The following IKBKB variants were observed in gnomAD, a reference collection of about 807,000 sequenced individuals.
The protein encoded by IKBKB is inhibitor of nuclear factor kappa-B kinase subunit beta.
A neutral mutation model predicts 113.6 loss-of-function variants in IKBKB; 42 were observed. The ratio of observed to expected loss-of-function variants is 0.37; its 90% CI spans 0.29 to 0.48. The LOEUF (loss-of-function observed/expected upper bound fraction) is 0.48, where lower values mean the gene tolerates loss of function less well. Among genes scored for constraint, IKBKB ranks in the 20% least tolerant of loss-of-function variants. The pLI is 0.99. For missense variants in IKBKB, 673 were observed against 939.7 expected (o/e 0.72, Z 3.71); for synonymous variants, 296 against 361.3 (o/e 0.82, Z 2.05).
chr8:42,307,224 C>T (rs756231885), intron 7 of IKBKB, among the ~76,000 whole-genome samples: 2 of 152,014 alleles, frequency 1.3e-5, no homozygotes, highest in East Asian at 1.9e-4. Context: ...GGGGGAATTC[C>T]GTGCAAAGGG....
At chr8:42,326,989 C>G (rs946577392) in intron 20 of IKBKB, among the ~76,000 whole-genome samples, 2 of 152,150 alleles carry the variant, frequency 1.3e-5, no homozygotes, top group African/African-American at 2.4e-5. Flanking sequence ...ACTGATAATT[C>G]AAGGTTTCTT....
chr8:42,325,724 A>G (rs1397031521), intron 19 of IKBKB: 1 of 1,283,724 alleles, frequency 7.8e-7, no homozygotes, highest in African/African-American at 1.5e-5. Flanking sequence ...CTGCAAATTA[A>G]TGTAGGCACC....
chr8:42,289,163 C>T (rs556969301), intron 3 of IKBKB, among the ~76,000 whole-genome samples: 4 of 152,008 alleles, frequency 2.6e-5, no homozygotes, highest in Admixed American at 6.6e-5. Flanking sequence ...TGCAGTGAGC[C>T]GAGATCAAGC....
chr8:42,307,818 AG>A (rs1816843492), intron 7 of IKBKB, among the ~76,000 whole-genome samples: 1 of 152,198 alleles, frequency 6.6e-6, no homozygotes, highest in South Asian at 2.1e-4. Context: ...CCAGACATAG[AG>A]GTTGACCTAC....
chr8:42,319,621 A>T lies in IKBKB; in HGVS notation c.1553A>T (p.Glu518Val). 1.3e-6 allele frequency: 2 copies of T among 1,595,964 alleles called. No individual in the cohort carries two copies. Reference sequence around the variant, plus strand: ...CTGCTGCTGGCCTGGAGGGAAATGGAGCAGGCTGTGGAGCTCTGTGGGCGG... The same window carrying T: ...CTGCTGCTGGCCTGGAGGGAAATGGTGCAGGCTGTGGAGCTCTGTGGGCGG... ...DKLLLAWREMEQAVELCGREN... is the reference protein window; with the variant it reads ...DKLLLAWREMVQAVELCGREN... The change falls in exon 15 of 22, where the codon GAG becomes GTG. Residue 518 changes from glutamate to valine, a missense_variant. This residue lies in a region of IKBKB where 506 missense variants were observed against 638.7 expected (regional missense o/e 0.79). Coordinates refer to ENST00000520810, the MANE Select transcript of IKBKB (RefSeq NM_001556.3).
chr8:42,321,818 C>A, intron 16 of IKBKB, 78 bp from the exon 17 acceptor site: 1 of 1,045,866 alleles, frequency 9.6e-7, no homozygotes. Flanking sequence ...CATGGTGAAA[C>A]TCTACCTCTA....
In IKBKB at chr8:42,329,151, C is replaced by A; in HGVS notation, c.2142C>A (p.Asn714Lys). 3 of 1,605,170 alleles carry A rather than the reference C, an allele frequency of 1.9e-6. No individual in the cohort carries two copies. The highest frequency in any genetic ancestry group is 1.7e-6 in the Non-Finnish European group (2 of 1,177,150). ...AAGAACTGGTGGCTGAAGCACATAA[C>A]CTCTGCACCCTGCTAGAAAATGCCA... ...KSEELVAEAH[N>K]LCTLLENAIQ... The change falls in exon 21 of 22, where the codon AAC (asparagine) becomes AAA (lysine). Residue 714 changes from asparagine (N) to lysine (K), a missense_variant. By Grantham distance (94) the Asn-to-Lys change is moderately conservative (BLOSUM62 0). Around this residue, in one of 2 missense-constraint regions of IKBKB, gnomAD observed 506 missense variants for 638.7 expected, o/e 0.79. Transcript: ENST00000520810.
At chr8:42,281,516 G>A (rs937406956) in intron 2 of IKBKB, among the ~76,000 whole-genome samples, 16 of 152,180 alleles carry the variant, frequency 1.1e-4, no homozygotes, top group Non-Finnish European at 1.8e-4. Context: ...TGGGTGAGGC[G>A]GCAGGCCACT....
chr8:42,272,547 T>A (rs1260885887), intron 2 of IKBKB: 1 of 389,164 alleles, frequency 2.6e-6, no homozygotes, highest in Non-Finnish European at 4.5e-6. Context: ...AGGATGAGAC[T>A]AAATAAATAA....
rs1310167432 is a variant in IKBKB, at chr8:42,326,095, G to T, written c.2112G>T (p.Lys704Asn). The change falls in exon 20 of 22, where the codon AAG (lysine) becomes AAT (asparagine). Residue 704 changes from lysine to asparagine, a missense_variant and splice_region_variant. This residue lies in a region of IKBKB where 506 missense variants were observed against 638.7 expected (regional missense o/e 0.79). Transcript: ENST00000520810. ...ASNSLPEPAKKSEELVAEAHN... is the reference protein window; with the variant it reads ...ASNSLPEPAKNSEELVAEAHN... ...ACAGCTTACCTGAGCCAGCCAAGAA[G>T]AGGTAGGTCCTCCTTAGCAGTGCCA... The T allele has an allele frequency of 6.2e-7, 1 of 1,614,216 alleles. No homozygotes were observed. Among genetic ancestry groups the T allele is most frequent in the Non-Finnish European group, 8.5e-7 (1 of 1,180,040 alleles).
intron 2 of IKBKB, among the ~76,000 whole-genome samples, chr8:42,277,791 G>T (rs931268908): frequency 6.6e-6 from 1 of 152,174 alleles, no homozygotes; most frequent in African/African-American, 2.4e-5. Context: ...GTCTTGTCAG[G>T]ACCCTGCATT....
rs1045867160 is a variant in IKBKB at position 42,321,691 on chromosome 8, T to TA, written c.1689-195dup. 1,422 of 478,996 alleles carry TA rather than the reference T, an allele frequency of 3.0e-3. 2 individuals carry two copies. Among genetic ancestry groups the TA allele is most frequent in the East Asian group, 0.015 (428 of 28,810 alleles). 29.7% of individuals were successfully genotyped at this position (478,996 alleles called of 1,614,324 possible). The stretch of plus-strand genomic sequence containing the variant: ...CGCATGCCACCATGCTCAGCTAATT[T>TA]AAAAAAAAAATGTTTTTGGCTGGGC... On this transcript the variant is annotated intron_variant, in intron 16 of 21. Transcript: ENST00000520810.
At chr8:42,312,743 A>G (rs929649321) in intron 8 of IKBKB, among the ~76,000 whole-genome samples, 2 of 152,248 alleles carry the variant, frequency 1.3e-5, no homozygotes, top group African/African-American at 4.8e-5. Flanking sequence ...AGCCCAAGCT[A>G]TAAAGCACCA....
intron 5 of IKBKB, among the ~76,000 whole-genome samples, chr8:42,303,858 A>G (rs1415955338): frequency 1.3e-5 from 2 of 152,086 alleles, no homozygotes; most frequent in Non-Finnish European, 2.9e-5. Flanking sequence ...CTTTTTATCT[A>G]TTAGGTATCT....
At chr8:42,298,022 C>T (rs1459693770) in intron 5 of IKBKB, 1 of 882,444 alleles carries the variant, frequency 1.1e-6, no homozygotes, top group South Asian at 5.2e-5. Context: ...CCATGTGGAG[C>T]AGCTGGAAAT....
At position 42,314,428 on chromosome 8, in the gene IKBKB, A is replaced by G. The variant is rs1164309996; in HGVS notation, c.799A>G (p.Ser267Gly). Residue 267 changes from serine to glycine, a missense_variant and splice_region_variant, in exon 9 of 22, where the codon AGT becomes GGT. This residue lies in a region of IKBKB where 506 missense variants were observed against 638.7 expected (regional missense o/e 0.79). Transcript: ENST00000520810. Reference sequence around the variant, plus strand: ...TTTACCCTACCCCAATAATCTTAACAGGTAAGGCACAGCGGCATTACACGA... The same window carrying G: ...TTTACCCTACCCCAATAATCTTAACGGGTAAGGCACAGCGGCATTACACGA... The part of the protein sequence containing the change: ...SSLPYPNNLN[S>G]VLAERLEKWL... 6.4e-7 allele frequency: 1 copy of G among 1,570,940 alleles called. No homozygotes were observed.
At position 42,316,303 on chromosome 8, in the gene IKBKB, C is replaced by G; in HGVS notation, c.894C>G (p.Gly298=). 2 of 1,614,156 alleles carry G rather than the reference C, an allele frequency of 1.2e-6. No homozygotes were observed. Among genetic ancestry groups the G allele is most frequent in the Non-Finnish European group, 1.7e-6 (2 of 1,180,026 alleles). The change falls in exon 10 of 22, where the codon GGC becomes GGG. Residue 298 remains glycine (G), a synonymous_variant. Transcript: ENST00000520810. The surrounding 1 kb of genome is among the most constrained non-coding windows in gnomAD (Gnocchi z 4.5). ...CGGATCCCACGTATGGGCCCAATGG[C>G]TGCTTCAAGGCCCTGGATGACATCT... is the stretch of plus-strand genomic sequence containing the variant. ...RGTDPTYGPN[G]CFKALDDILN...
intron 2 of IKBKB, among the ~76,000 whole-genome samples, chr8:42,277,172 T>C (rs1235858360): frequency 6.9e-6 from 1 of 144,224 alleles, no homozygotes; most frequent in Non-Finnish European, 1.5e-5. Context: ...CCCGGCCACG[T>C]GTGGCTAATT....
chr8:42,272,722 G>A (rs931783991), intron 2 of IKBKB, among the ~76,000 whole-genome samples: 2 of 150,932 alleles, frequency 1.3e-5, no homozygotes, highest in African/African-American at 2.4e-5. Flanking sequence ...GGCGGATCAC[G>A]CAGTCAGGAG....
Sources: gnomAD v4.1 joint callset for allele counts (sites outside exome capture counted in the v4.1 genomes callset) on GRCh38, gnomAD v4.1.1 for gene constraint, gnomAD v4.1.1 regional missense constraint, Gnocchi (gnomAD v3.1) non-coding constraint, MANE v1.5 for transcripts, NCBI Gene and HGNC (gene_info 2026-07-23, HGNC 2026-07-21) for gene names.